Variants in MARK3 observed in about 807,000 individuals in gnomAD.
MARK3 encodes microtubule affinity regulating kinase 3, also known as MAP/microtubule affinity-regulating kinase 3.
Under a neutral mutation model 90.1 loss-of-function variants are expected in MARK3, and 46 were observed. The observed-to-expected ratio is 0.51, with a 90% CI of 0.40 to 0.65. The LOEUF (loss-of-function observed/expected upper bound fraction) is 0.65, where lower values mean the gene tolerates loss of function less well. Among genes scored for constraint, MARK3 ranks in the 30% least tolerant of loss-of-function variants. The probability of loss-of-function intolerance (pLI) is 0.00; values close to 1 mark genes in which losing one functional copy is unlikely to be tolerated. For missense variants in MARK3, 818 were observed against 947.2 expected (o/e 0.86, Z 1.79); for synonymous variants, 321 against 332.6 (o/e 0.97, Z 0.38).
chr14:103,421,166 C>T (rs1456806724), intron 2 of MARK3, among the ~76,000 whole-genome samples: 1 of 152,180 alleles, frequency 6.6e-6, no homozygotes, highest in Non-Finnish European at 1.5e-5. Flanking sequence ...CGTTACAGTG[C>T]TGTGGCTGTG....
intron 15 of MARK3, among the ~76,000 whole-genome samples, chr14:103,494,448 G>A (rs1379514347): frequency 4.7e-5 from 7 of 147,948 alleles, no homozygotes; most frequent in Non-Finnish European, 7.4e-5. Flanking sequence ...GGAGACTGAG[G>A]CAGGAGAATC....
At chr14:103,488,336 T>C (rs2093964618) in intron 14 of MARK3, among the ~76,000 whole-genome samples, 1 of 152,114 alleles carries the variant, frequency 6.6e-6, no homozygotes, top group African/African-American at 2.4e-5. Context: ...CACACAGCTG[T>C]GCTCAAGCAG....
intron 14 of MARK3, among the ~76,000 whole-genome samples, chr14:103,486,818 T>C (rs2093937929): frequency 6.6e-6 from 1 of 152,212 alleles, no homozygotes; most frequent in South Asian, 2.1e-4. Context: ...AATATTTTGT[T>C]GCTTGCTTTG....
intron 1 of MARK3, among the ~76,000 whole-genome samples, chr14:103,391,844 C>T (rs2090274415): frequency 6.6e-6 from 1 of 151,790 alleles, no homozygotes; most frequent in African/African-American, 2.4e-5. Flanking sequence ...AGGCGTGAGC[C>T]ACTGTACCTG....
At chr14:103,450,875 A>AT (rs1290999020) in intron 4 of MARK3, among the ~76,000 whole-genome samples, 11 of 114,880 alleles carry the variant, frequency 9.6e-5, no homozygotes, top group African/African-American at 3.6e-4. Context: ...TCATTTTTAA[A>AT]GTGTGTGTGT....
chr14:103,473,148 A>G (rs1158972932), intron 12 of MARK3, among the ~76,000 whole-genome samples: 2 of 152,216 alleles, frequency 1.3e-5, no homozygotes, highest in Non-Finnish European at 2.9e-5. Flanking sequence ...AATTCTAGAG[A>G]TGGCGAGCAG....
chr14:103,453,022 G>C (rs1229764347), intron 5 of MARK3, among the ~76,000 whole-genome samples: 1 of 152,138 alleles, frequency 6.6e-6, no homozygotes, highest in Non-Finnish European at 1.5e-5. Flanking sequence ...AATGTCGCTG[G>C]TGTCTGTCTT....
At chr14:103,474,065 T>C (rs2093675127) in intron 12 of MARK3, among the ~76,000 whole-genome samples, 1 of 147,780 alleles carries the variant, frequency 6.8e-6, no homozygotes, top group African/African-American at 2.5e-5. Flanking sequence ...AAAAAAAAAA[T>C]TAGTTGGCAT....
chr14:103,401,293 TA>T (rs959472098), intron 1 of MARK3, among the ~76,000 whole-genome samples: 13 of 152,218 alleles, frequency 8.5e-5, no homozygotes, highest in African/African-American at 2.9e-4. Context: ...AGTTTAACCC[TA>T]ACAAGCATCA....
chr14:103,402,717 C>T (rs570851186), intron 1 of MARK3, among the ~76,000 whole-genome samples: 7 of 151,990 alleles, frequency 4.6e-5, no homozygotes, highest in Non-Finnish European at 7.4e-5. Context: ...TTATTTGGGA[C>T]GCAAGAATTG....
chr14:103,435,293 G>A (rs778526248), intron 3 of MARK3, among the ~76,000 whole-genome samples: 12 of 152,152 alleles, frequency 7.9e-5, no homozygotes, highest in Non-Finnish European at 1.3e-4. Context: ...CTATCTTGGC[G>A]GGTCTAGAAA....
chr14:103,450,359 A>C (rs1004908752), intron 4 of MARK3, among the ~76,000 whole-genome samples: 3 of 152,162 alleles, frequency 2.0e-5, no homozygotes, highest in Non-Finnish European at 4.4e-5. Flanking sequence ...CCCCACAAAA[A>C]AACTTTATCA....
chr14:103,412,569 A>G, intron 2 of MARK3: 1 of 667,548 alleles, frequency 1.5e-6, no homozygotes, highest in East Asian at 4.0e-5. Flanking sequence ...TTCCCCCAGG[A>G]CCCACACTTG....
At chr14:103,456,819 C>T (rs899493316) in intron 5 of MARK3, among the ~76,000 whole-genome samples, 1 of 152,226 alleles carries the variant, frequency 6.6e-6, no homozygotes, top group African/African-American at 2.4e-5. Context: ...CCTCTTCTAA[C>T]ACAAATAACT....
chr14:103,419,085 G>A (rs927778816), intron 2 of MARK3, among the ~76,000 whole-genome samples: 13 of 152,152 alleles, frequency 8.5e-5, no homozygotes, highest in Admixed American at 3.9e-4. Context: ...TCAGGAGATC[G>A]AGACCATCCT....
At chr14:103,427,500 A>C (rs2092447430) in intron 2 of MARK3, among the ~76,000 whole-genome samples, 1 of 150,276 alleles carries the variant, frequency 6.7e-6, no homozygotes, top group African/African-American at 2.4e-5. Context: ...ACTGTTTCAA[A>C]AAAAAAAAAA....
intron 5 of MARK3, among the ~76,000 whole-genome samples, chr14:103,456,669 G>A (rs2093285041): frequency 6.6e-6 from 1 of 152,154 alleles, no homozygotes; most frequent in Non-Finnish European, 1.5e-5. Context: ...TGAGGAAAAG[G>A]ATCTTGTGTT....
chr14:103,423,298 GA>G (rs2092291930), intron 2 of MARK3, among the ~76,000 whole-genome samples: 1 of 146,780 alleles, frequency 6.8e-6, no homozygotes, highest in Non-Finnish European at 1.5e-5. Context: ...TGAACCAACA[GA>G]AAGTGGAAGA....
At chr14:103,494,291 C>T (rs547074194) in intron 15 of MARK3, among the ~76,000 whole-genome samples, 7 of 148,374 alleles carry the variant, frequency 4.7e-5, no homozygotes, top group South Asian at 4.3e-4. Context: ...GTGGCTCACG[C>T]CTGTAATCCC....
Sources: gnomAD v4.1 joint callset for allele counts (sites outside exome capture counted in the v4.1 genomes callset) on GRCh38, gnomAD v4.1.1 for gene constraint, MANE v1.5 for transcripts, NCBI Gene and HGNC (gene_info 2026-07-23, HGNC 2026-07-21) for gene names.